Variants in MCC observed in about 807,000 individuals in gnomAD.
The protein encoded by MCC is colorectal mutant cancer protein.
Under a neutral mutation model 116.2 loss-of-function variants are expected in MCC, and 90 were observed. The ratio of observed to expected loss-of-function variants is 0.77; its 90% CI spans 0.65 to 0.92. The LOEUF (loss-of-function observed/expected upper bound fraction) is 0.92. MCC is among the 40% of genes least tolerant of loss of function. The probability of loss-of-function intolerance (pLI) is 0.00; values close to 1 mark genes in which losing one functional copy is unlikely to be tolerated. For synonymous variants in MCC, 578 were observed against 510.5 expected (o/e 1.13, Z -1.78); for missense variants, 1,516 against 1,312.2 (o/e 1.16, Z -2.40).
At chr5:113,431,486 G>A (rs2045610368) in intron 1 of MCC, among the ~76,000 whole-genome samples, 1 of 152,134 alleles carries the variant, frequency 6.6e-6, no homozygotes, top group Non-Finnish European at 1.5e-5. Flanking sequence ...CATCTGCAAT[G>A]ACTCTATTTC....
chr5:113,204,664 C>T (rs572270327), intron 3 of MCC: 12 of 152,324 alleles, frequency 7.9e-5, no homozygotes, highest in African/African-American at 2.9e-4. Flanking sequence ...GGCAGAAAAC[C>T]ATGGCTGGCA....
intron 13 of MCC, among the ~76,000 whole-genome samples, chr5:113,065,199 G>A (rs540123087): frequency 6.6e-6 from 1 of 152,290 alleles, no homozygotes; most frequent in Non-Finnish European, 1.5e-5. Flanking sequence ...TGGGCTCTGG[G>A]TGATGATGTG....
intron 3 of MCC, among the ~76,000 whole-genome samples, chr5:113,240,354 A>C (rs1764320163): frequency 6.6e-6 from 1 of 152,186 alleles, no homozygotes; most frequent in South Asian, 2.1e-4. Context: ...AACTAATTTG[A>C]AGTCCGTTTC....
chr5:113,333,846 T>TATGTAC lies in MCC; in HGVS notation c.627+6672_627+6673insGTACAT, dbSNP rs1767792858. On this transcript the variant is annotated intron_variant, in intron 3 of 18. Coordinates refer to ENST00000408903, the MANE Select transcript of MCC (RefSeq NM_001085377.2). Reference sequence around the variant, plus strand: ...ATATATGTATATATGTATATATGTATATATGTACATATATGTATATATGTA... The same window carrying TATGTAC: ...ATATATGTATATATGTATATATGTATATGTACATATGTACATATATGTATATATGTA... Among the ~76,000 whole-genome samples the TATGTAC allele has an allele frequency of 4.8e-5, 3 of 62,640 alleles. 1 individual carries two copies. The highest frequency in any genetic ancestry group is 9.2e-5 in the Non-Finnish European group (3 of 32,492). The allele number at this position is 62,640 out of a possible 152,430, so 41.1% of individuals were successfully genotyped here. A position where few individuals can be genotyped will look rare whatever the true frequency, so the allele number is the denominator to read the frequency against.
At chr5:113,047,919 G>C (rs115746150) in intron 16 of MCC, among the ~76,000 whole-genome samples, 24 of 152,178 alleles carry the variant, frequency 1.6e-4, no homozygotes, top group Non-Finnish European at 3.5e-4. Flanking sequence ...AGATGATGTG[G>C]ACTTCGTAAC....
intron 1 of MCC, among the ~76,000 whole-genome samples, chr5:113,466,695 A>G (rs1412587436): frequency 1.3e-5 from 2 of 152,164 alleles, no homozygotes; most frequent in Non-Finnish European, 1.5e-5. Flanking sequence ...TTGGGTATAT[A>G]CCCAGTAATG....
rs557154334 is a variant in MCC at position 113,154,391 on chromosome 5, A to G, written c.628-2969T>C. Among the ~76,000 whole-genome samples the G allele has an allele frequency of 2.0e-5, 3 of 152,344 alleles. No individual in the cohort carries two copies. The East Asian group carries it at 5.8e-4, about 29-fold the overall frequency. ...AGAGAGCAGAAGTTGGAGTGGGGGA[A>G]GCCACCAACCAGCCATAAGCCACAC... On this transcript the variant is annotated intron_variant, in intron 3 of 18. Transcript: ENST00000408903.
intron 17 of MCC, among the ~76,000 whole-genome samples, chr5:113,040,220 G>T (rs966438350): frequency 6.6e-6 from 1 of 151,680 alleles, no homozygotes; most frequent in Non-Finnish European, 1.5e-5. Flanking sequence ...CCAAACAGAA[G>T]AAAGTTAGGA....
In MCC at chr5:113,416,091, A is replaced by G. The variant is rs201403853; in HGVS notation, c.171-30879T>C. On this transcript the variant is annotated intron_variant, in intron 1 of 18. Coordinates refer to ENST00000408903, the MANE Select transcript of MCC (RefSeq NM_001085377.2). ...TCCAGACCCTGTTTGCCTGGATATC[A>G]CCAGCAGAGGCTCAGTTGGAAATGC... 2.1e-4 allele frequency among the ~76,000 whole-genome samples: 32 copies of G among 152,228 alleles called. No individual in the cohort carries two copies. The East Asian group carries it at 6.0e-3, about 28-fold the overall frequency.
chr5:113,355,711 G>A (rs981819071), intron 2 of MCC, among the ~76,000 whole-genome samples: 32 of 152,102 alleles, frequency 2.1e-4, no homozygotes, highest in African/African-American at 7.7e-4. Context: ...GTCAAGCTCT[G>A]CAGTGTCTCT....
chr5:113,450,661 G>C (rs1422502261), intron 1 of MCC, among the ~76,000 whole-genome samples: 3 of 152,286 alleles, frequency 2.0e-5, no homozygotes, highest in Non-Finnish European at 2.9e-5. Flanking sequence ...CTTTAGAGCT[G>C]ATTTTGGATT....
At chr5:113,359,616 C>T (rs1162941173) in intron 2 of MCC, among the ~76,000 whole-genome samples, 3 of 152,106 alleles carry the variant, frequency 2.0e-5, no homozygotes, top group Non-Finnish European at 2.9e-5. Context: ...CCTCTTTAAC[C>T]TTTTAAAAAA....
intron 17 of MCC, among the ~76,000 whole-genome samples, chr5:113,039,577 G>A (rs941561138): frequency 4.6e-5 from 7 of 152,138 alleles, no homozygotes; most frequent in East Asian, 1.9e-4. Context: ...CTCACTCATC[G>A]GCAAGCAAGC....
At chr5:113,456,621 T>A (rs1242384817) in intron 1 of MCC, among the ~76,000 whole-genome samples, 6 of 110,338 alleles carry the variant, frequency 5.4e-5, no homozygotes, top group Non-Finnish European at 1.1e-4. Flanking sequence ...CATGCCCAGC[T>A]AATTTTTTTT....
At chr5:113,095,593 C>T (rs28627135) in intron 8 of MCC, among the ~76,000 whole-genome samples, 16,323 of 151,962 alleles carry the variant, frequency 0.11, 2,127 homozygotes, top group African/African-American at 0.31. Flanking sequence ...GATCACAGCT[C>T]ACTGCAGACT....
chr5:113,197,594 C>T (rs1443232959), intron 3 of MCC, among the ~76,000 whole-genome samples: 2 of 152,190 alleles, frequency 1.3e-5, no homozygotes, highest in African/African-American at 2.4e-5. Flanking sequence ...TTTCACCTCC[C>T]ACTATTTCTT....
At chr5:113,132,899 A>G (rs2150278588) in intron 5 of MCC, among the ~76,000 whole-genome samples, 1 of 152,336 alleles carries the variant, frequency 6.6e-6, no homozygotes, top group East Asian at 1.9e-4. Flanking sequence ...AAAGGGCTAA[A>G]CAGGTGGCAG....
intron 1 of MCC, among the ~76,000 whole-genome samples, chr5:113,389,327 A>G (rs891860855): frequency 1.3e-5 from 2 of 152,240 alleles, no homozygotes; most frequent in Non-Finnish European, 2.9e-5. Context: ...GGTGGAGGCT[A>G]TTTCCCTGCC....
intron 3 of MCC, among the ~76,000 whole-genome samples, chr5:113,236,202 A>AG (rs1371488780): frequency 2.0e-5 from 3 of 152,214 alleles, no homozygotes; most frequent in African/African-American, 7.2e-5. Context: ...GCTTGAGCCT[A>AG]GGTTTGAAAT....
Sources: gnomAD v4.1 joint callset for allele counts (sites outside exome capture counted in the v4.1 genomes callset) on GRCh38, gnomAD v4.1.1 for gene constraint, MANE v1.5 for transcripts, NCBI Gene and HGNC (gene_info 2026-07-23, HGNC 2026-07-21) for gene names.